DAB1: variants seen among roughly 807,000 people sequenced by gnomAD.
DAB1 encodes the protein DAB adaptor protein 1.
In DAB1, 15 loss-of-function variants were observed where a neutral mutation model predicts 64.6. The ratio of observed to expected loss-of-function variants is 0.23; its 90% CI spans 0.16 to 0.36. The LOEUF is 0.36. Among genes scored for constraint, DAB1 ranks in the 10% least tolerant of loss-of-function variants. The pLI is 1.00. For synonymous variants in DAB1, 235 were observed against 251.9 expected, an observed-to-expected ratio of 0.93 and a Z score of 0.64; for missense variants, 596 against 706.7, an observed-to-expected ratio of 0.84 and a Z score of 1.78.
chr1:57,487,307 C>T (rs918898086), intron 7 of DAB1, among the ~76,000 whole-genome samples: 2 of 152,216 alleles, frequency 1.3e-5, no homozygotes, highest in South Asian at 4.1e-4. Flanking sequence ...CATGGAACAT[C>T]TTTGACCTCT....
intron 7 of DAB1, among the ~76,000 whole-genome samples, chr1:57,573,098 T>G (rs1645211423): frequency 1.3e-5 from 2 of 152,112 alleles, no homozygotes; most frequent in Non-Finnish European, 2.9e-5. Context: ...GTTTTTGGTG[T>G]TTTTTTAGAG....
At chr1:57,593,206 G>A (rs1417907211) in intron 7 of DAB1, among the ~76,000 whole-genome samples, 1 of 152,100 alleles carries the variant, frequency 6.6e-6, no homozygotes, top group African/African-American at 2.4e-5. Flanking sequence ...TCTACTTTCA[G>A]GACCTGTGGA....
chr1:57,042,546 A>G (rs566990305), intron 9 of DAB1, among the ~76,000 whole-genome samples: 51 of 152,232 alleles, frequency 3.4e-4, no homozygotes, highest in Non-Finnish European at 6.6e-4. Flanking sequence ...CCTCTTTTCT[A>G]CTATAGCCTA....
intron 7 of DAB1, among the ~76,000 whole-genome samples, chr1:57,616,384 T>G (rs1318647718): frequency 6.7e-6 from 1 of 148,726 alleles, no homozygotes; most frequent in Non-Finnish European, 1.5e-5. Context: ...ATGTATTCGT[T>G]TCCTGCATAT....
At chr1:57,422,417 T>C (rs1427114605) in intron 1 of DAB1, among the ~76,000 whole-genome samples, 1 of 148,884 alleles carries the variant, frequency 6.7e-6, no homozygotes, top group Non-Finnish European at 1.5e-5. Context: ...AAAGGCGCTC[T>C]CGCTACCGCA....
rs192105975 is a variant in DAB1, at chr1:57,228,687, C to A, written c.67+62277G>T. On this transcript the variant is annotated intron_variant, in intron 2 of 14. Coordinates refer to ENST00000371236, the MANE Select transcript of DAB1 (RefSeq NM_001365792.1). ...TATAATTTGGCAATATCTAGTAAAACTGAAGATGCATATACATAGTAAGAT... is the reference window on the plus strand; with the variant it reads ...TATAATTTGGCAATATCTAGTAAAAATGAAGATGCATATACATAGTAAGAT... Among the ~76,000 whole-genome samples, 246 of 152,192 alleles carry A rather than the reference C, an allele frequency of 1.6e-3. 2 individuals are homozygous for A. The highest frequency in any genetic ancestry group is 5.5e-3 in the African/African-American group (228 of 41,520).
chr1:58,433,670 G>GA (rs1644910138), intron 3 of DAB1, among the ~76,000 whole-genome samples: 1 of 142,112 alleles, frequency 7.0e-6, no homozygotes, highest in Non-Finnish European at 1.5e-5. Flanking sequence ...GGGAGGCGGG[G>GA]GAGAGAGAGA....
At chr1:58,489,477 A>G (rs1048347708) in intron 3 of DAB1, among the ~76,000 whole-genome samples, 1 of 152,340 alleles carries the variant, frequency 6.6e-6, no homozygotes, top group Non-Finnish European at 1.5e-5. Flanking sequence ...ACTGCAGCTC[A>G]AGGAGGCCTG....
At chr1:57,922,608 C>CT in intron 5 of DAB1, among the ~76,000 whole-genome samples, 1 of 151,632 alleles carries the variant, frequency 6.6e-6, no homozygotes. Flanking sequence ...AAATGATAAC[C>CT]CCTTGTGAAA....
At chr1:57,268,001 T>A (rs1670717672) in intron 2 of DAB1, among the ~76,000 whole-genome samples, 1 of 152,244 alleles carries the variant, frequency 6.6e-6, no homozygotes, top group African/African-American at 2.4e-5. Context: ...GAAGCTGAAG[T>A]AAATATTTAA....
At chr1:57,320,513 C>G (rs1675618262) in intron 1 of DAB1, among the ~76,000 whole-genome samples, 1 of 152,134 alleles carries the variant, frequency 6.6e-6, no homozygotes, top group Non-Finnish European at 1.5e-5. Flanking sequence ...GTCTTGCCTA[C>G]TATTTCAGGA....
intron 5 of DAB1, among the ~76,000 whole-genome samples, chr1:57,999,008 C>A (rs1646468715): frequency 6.6e-6 from 1 of 152,166 alleles, no homozygotes; most frequent in Non-Finnish European, 1.5e-5. Context: ...TACTTTGTTA[C>A]TGAAAAGCCA....
chr1:57,593,939 T>C (rs1445142606), intron 7 of DAB1, among the ~76,000 whole-genome samples: 2 of 152,210 alleles, frequency 1.3e-5, no homozygotes, highest in African/African-American at 2.4e-5. Context: ...CCAATCATTA[T>C]GGTTACGGAG....
At chr1:57,814,022 A>C (rs1289601830) in intron 6 of DAB1, among the ~76,000 whole-genome samples, 1 of 152,240 alleles carries the variant, frequency 6.6e-6, no homozygotes, top group Non-Finnish European at 1.5e-5. Flanking sequence ...GCAGCCTGGA[A>C]ACAAGTTTCT....
At chr1:58,307,116 A>G (rs1662325755) in intron 4 of DAB1, among the ~76,000 whole-genome samples, 1 of 152,186 alleles carries the variant, frequency 6.6e-6, no homozygotes, top group Non-Finnish European at 1.5e-5. Flanking sequence ...AAATCAAACA[A>G]TAACGTTTTA....
intron 3 of DAB1, among the ~76,000 whole-genome samples, chr1:58,406,925 A>G (rs1464718088): frequency 6.6e-6 from 1 of 151,910 alleles, no homozygotes; most frequent in African/African-American, 2.4e-5. Context: ...AATAGTACCT[A>G]CCCGACATGC....
At chr1:58,415,792 G>A (rs557397782) in intron 3 of DAB1, among the ~76,000 whole-genome samples, 1 of 152,330 alleles carries the variant, frequency 6.6e-6, no homozygotes, top group South Asian at 2.1e-4. Flanking sequence ...GCTGCCTGCT[G>A]AAAAAGCACC....
chr1:58,080,484 C>T (rs1003515220), intron 5 of DAB1, among the ~76,000 whole-genome samples: 8 of 152,194 alleles, frequency 5.3e-5, no homozygotes, highest in Admixed American at 2.0e-4. Flanking sequence ...ATACAGACGT[C>T]CTAAAAGCAG....
At chr1:57,719,023 C>A in intron 6 of DAB1, among the ~76,000 whole-genome samples, 1 of 151,454 alleles carries the variant, frequency 6.6e-6, no homozygotes, top group African/African-American at 2.4e-5. Context: ...TGCTTTCAGG[C>A]TGGAAATTAT....
Sources: gnomAD v4.1 joint callset for allele counts (sites outside exome capture counted in the v4.1 genomes callset) on GRCh38, gnomAD v4.1.1 for gene constraint, MANE v1.5 for transcripts, NCBI Gene and HGNC (gene_info 2026-07-23, HGNC 2026-07-21) for gene names.